PREX2: variants seen among roughly 807,000 people sequenced by gnomAD.
The protein encoded by PREX2 is phosphatidylinositol 3,4,5-trisphosphate-dependent Rac exchanger 2 protein.
In PREX2, 107 loss-of-function variants were observed where a neutral mutation model predicts 203.2. That is an observed-to-expected ratio of 0.53 (90% CI 0.45 to 0.62). PREX2 has a LOEUF of 0.62. Among genes scored for constraint, PREX2 ranks in the 20% least tolerant of loss-of-function variants. The probability of loss-of-function intolerance (pLI) is 0.00; values close to 1 mark genes in which losing one functional copy is unlikely to be tolerated. For missense variants in PREX2, 1,777 were observed against 1,955.9 expected (o/e 0.91, Z 1.72); for synonymous variants, 672 against 663.6 (o/e 1.01, Z -0.19).
At chr8:68,205,345 G>T (rs940463742) in intron 37 of PREX2, among the ~76,000 whole-genome samples, 2 of 152,082 alleles carry the variant, frequency 1.3e-5, no homozygotes, top group Admixed American at 6.6e-5. Context: ...TTTAAAAGCT[G>T]CTTCTGTCCT....
chr8:68,145,828 C>T (rs952219024), intron 33 of PREX2, among the ~76,000 whole-genome samples: 3 of 152,018 alleles, frequency 2.0e-5, no homozygotes, highest in African/African-American at 7.2e-5. Flanking sequence ...ATTTCTTGCA[C>T]ACTACTTAAG....
At position 68,076,843 on chromosome 8, in the gene PREX2, T is replaced by A. The variant is rs78967867; in HGVS notation, c.1570-554T>A. On this transcript the variant is annotated intron_variant, in intron 14 of 39. Coordinates refer to ENST00000288368, the MANE Select transcript of PREX2 (RefSeq NM_024870.4). ...TGTTGGATTCAGTTAAATGATCTGA[T>A]TTTTTTTTTTGGCAAAATAATGAAA... Among the ~76,000 whole-genome samples the A allele has an allele frequency of 1.4e-3, 45 of 32,024 alleles. No individual in the cohort carries two copies. In the East Asian group the frequency reaches 0.027, roughly 19 times the overall value. The allele number at this position is 32,024 out of a possible 152,430, so 21.0% of individuals were successfully genotyped here. A position where few individuals can be genotyped will look rare whatever the true frequency, so the allele number is the denominator to read the frequency against.
In PREX2 at chr8:67,990,519, AT is replaced by A. The variant is rs1215605204; in HGVS notation, c.142-27319del. Among the ~76,000 whole-genome samples the A allele has an allele frequency of 6.8e-5, 10 of 146,078 alleles. No individual in the cohort carries two copies. In the South Asian group the frequency reaches 2.0e-3, roughly 29 times the overall value. ...GTGGTTTTTTTTTTTTTAATTTTTA[AT>A]TTTTTTTGAGTCTGATTCTTGCTGT... On this transcript the variant is annotated intron_variant, in intron 1 of 39. Coordinates refer to ENST00000288368, the MANE Select transcript of PREX2 (RefSeq NM_024870.4).
At chr8:68,157,246 A>G (rs1811559428) in intron 34 of PREX2, 76 bp from the exon 35 acceptor site, 2 of 666,600 alleles carry the variant, frequency 3.0e-6, no homozygotes, top group Admixed American at 2.9e-5. Context: ...TTTACTAATA[A>G]TCAATAAAAT....
intron 34 of PREX2, among the ~76,000 whole-genome samples, chr8:68,151,234 A>G (rs1811427625): frequency 6.6e-6 from 1 of 152,020 alleles, no homozygotes; most frequent in African/African-American, 2.4e-5. Flanking sequence ...CAGCCTGGGC[A>G]ACATAGTGAG....
At chr8:68,017,542 T>G (rs564494079) in intron 1 of PREX2, among the ~76,000 whole-genome samples, 1 of 152,350 alleles carries the variant, frequency 6.6e-6, no homozygotes, top group African/African-American at 2.4e-5. Context: ...GCTTTGCAAG[T>G]CTTAGAAGTT....
chr8:68,011,189 T>C (rs1469500198), intron 1 of PREX2, among the ~76,000 whole-genome samples: 1 of 152,178 alleles, frequency 6.6e-6, no homozygotes, highest in Non-Finnish European at 1.5e-5. Context: ...CCAATTTTCT[T>C]AGGTTTATTT....
At chr8:68,048,039 A>T in intron 8 of PREX2, among the ~76,000 whole-genome samples, 1 of 152,188 alleles carries the variant, frequency 6.6e-6, no homozygotes, top group African/African-American at 2.4e-5. Context: ...ATTTGTATAT[A>T]TATTTATTTA....
At chr8:68,188,373 AG>A (rs1812230982) in intron 35 of PREX2, among the ~76,000 whole-genome samples, 1 of 152,230 alleles carries the variant, frequency 6.6e-6, no homozygotes, top group African/African-American at 2.4e-5. Flanking sequence ...ATAATTCCAA[AG>A]CACATGAGGA....
chr8:68,129,452 T>C (rs573548844), intron 31 of PREX2, among the ~76,000 whole-genome samples: 1 of 152,186 alleles, frequency 6.6e-6, no homozygotes, highest in Non-Finnish European at 1.5e-5. Flanking sequence ...CAAAATACTT[T>C]ATATTTTTGG....
rs58263470 is a variant in PREX2, at chr8:68,135,099, T to TGTGTGTGTGTG, written c.3984+823_3984+824insGTGTGTGTGTG. 1.5e-3 allele frequency among the ~76,000 whole-genome samples: 224 copies of TGTGTGTGTGTG among 148,900 alleles called. 1 individual carries two copies. Among genetic ancestry groups the TGTGTGTGTGTG allele is most frequent in the Middle Eastern group, 3.5e-3 (1 of 286 alleles). On this transcript the variant is annotated intron_variant, in intron 32 of 39. Coordinates refer to ENST00000288368, the MANE Select transcript of PREX2 (RefSeq NM_024870.4). ...ACATGTTTGAGCTTAAAAACAAATT[T>TGTGTGTGTGTG]TGTGTGTGTGTGTGTGTGTGTGTGT...
At chr8:68,042,216 T>C (rs992597878) in intron 7 of PREX2, among the ~76,000 whole-genome samples, 34 of 152,180 alleles carry the variant, frequency 2.2e-4, no homozygotes, top group African/African-American at 7.9e-4. Context: ...ACTAGAGACT[T>C]GATGAATTTA....
intron 19 of PREX2, among the ~76,000 whole-genome samples, chr8:68,088,647 G>A (rs1312567319): frequency 7.0e-6 from 1 of 142,220 alleles, no homozygotes; most frequent in East Asian, 2.1e-4. Context: ...TTGTATGTAT[G>A]ATAAAAACAT....
At chr8:68,120,885 T>C in intron 29 of PREX2, 36 bp from the exon 30 acceptor site, 1 of 1,593,568 alleles carries the variant, frequency 6.3e-7, no homozygotes, top group Non-Finnish European at 8.6e-7. Flanking sequence ...TTAGGAATTA[T>C]TTGAGACTTA....
chr8:68,019,502 AAAATT>A (rs1295871259), intron 2 of PREX2, 42 bp from the exon 3 acceptor site: 1 of 1,536,460 alleles, frequency 6.5e-7, no homozygotes, highest in Non-Finnish European at 8.8e-7. Context: ...TAGACTTAAA[AAAATT>A]GCTTCACTAC....
At chr8:68,087,929 C>T (rs916578070) in intron 19 of PREX2, 120 bp downstream of exon 19, 1 of 765,738 alleles carries the variant, frequency 1.3e-6, no homozygotes, top group Non-Finnish European at 2.4e-6. Flanking sequence ...TATATTTTCA[C>T]TGTATTAACT....
chr8:68,098,968 A>ATC (rs1810177840), intron 22 of PREX2, among the ~76,000 whole-genome samples: 1 of 121,640 alleles, frequency 8.2e-6, no homozygotes, highest in Non-Finnish European at 1.9e-5. Flanking sequence ...ATATATATAT[A>ATC]TATATATATC....
At chr8:67,972,559 T>C (rs1282431455) in intron 1 of PREX2, among the ~76,000 whole-genome samples, 1 of 152,232 alleles carries the variant, frequency 6.6e-6, no homozygotes, top group African/African-American at 2.4e-5. Flanking sequence ...GACTATCTTT[T>C]AACCATACCT....
At chr8:68,091,153 T>C (rs551699780) in intron 20 of PREX2, among the ~76,000 whole-genome samples, 18 of 152,312 alleles carry the variant, frequency 1.2e-4, no homozygotes, top group African/African-American at 3.8e-4. Context: ...AGGTCCATGA[T>C]TGATTTTGAG....
Sources: gnomAD v4.1 joint callset for allele counts (sites outside exome capture counted in the v4.1 genomes callset) on GRCh38, gnomAD v4.1.1 for gene constraint, MANE v1.5 for transcripts, NCBI Gene and HGNC (gene_info 2026-07-23, HGNC 2026-07-21) for gene names.